The following LTBP1 variants were observed in gnomAD, a reference collection of about 807,000 sequenced individuals.
LTBP1 encodes the protein latent-transforming growth factor beta-binding protein 1.
Under a neutral mutation model 207.6 loss-of-function variants are expected in LTBP1, and 129 were observed. The observed-to-expected ratio is 0.62, with a 90% CI of 0.54 to 0.72. LTBP1 has a LOEUF of 0.72. LTBP1 is among the 30% of genes least tolerant of loss of function. The pLI, the probability that LTBP1 is intolerant of heterozygous loss-of-function variation, is 0.00. For missense variants in LTBP1, 2,281 were observed against 2,217.2 expected (o/e 1.03, Z -0.58); for synonymous variants, 963 against 833.7 (o/e 1.16, Z -2.67).
chr2:33,242,845 C>T (rs186685087), intron 9 of LTBP1, among the ~76,000 whole-genome samples: 3 of 152,236 alleles, frequency 2.0e-5, no homozygotes, highest in Admixed American at 6.5e-5. Context: ...GTGAATTTTC[C>T]TAGAGTCTGT....
intron 18 of LTBP1, among the ~76,000 whole-genome samples, chr2:33,278,330 T>C (rs192329506): frequency 6.6e-6 from 1 of 152,280 alleles, no homozygotes; most frequent in African/African-American, 2.4e-5. Context: ...GTAAATAATA[T>C]ATAATTCTAT....
intron 2 of LTBP1, among the ~76,000 whole-genome samples, chr2:32,995,328 C>G (rs919172229): frequency 1.3e-5 from 2 of 152,270 alleles, no homozygotes; most frequent in South Asian, 2.1e-4. Flanking sequence ...AGTGCACATT[C>G]TGACCTAGAA....
chr2:33,118,389 T>A (rs1172099094), intron 4 of LTBP1, among the ~76,000 whole-genome samples: 1 of 152,170 alleles, frequency 6.6e-6, no homozygotes, highest in Non-Finnish European at 1.5e-5. Flanking sequence ...AAAGAAGGAA[T>A]AATGATAAAG....
At chr2:32,955,305 C>T (rs1340279676) in intron 2 of LTBP1, among the ~76,000 whole-genome samples, 1 of 152,240 alleles carries the variant, frequency 6.6e-6, no homozygotes, top group African/African-American at 2.4e-5. Context: ...TCAAAGATTG[C>T]TGCACATGCA....
intron 32 of LTBP1, among the ~76,000 whole-genome samples, chr2:33,396,714 C>T (rs1215934969): frequency 6.6e-6 from 1 of 152,204 alleles, no homozygotes; most frequent in East Asian, 1.9e-4. Flanking sequence ...TTGCCTCACA[C>T]TCTTACGGAC....
chr2:33,057,679 C>G (rs2077069796), intron 3 of LTBP1, among the ~76,000 whole-genome samples: 1 of 152,244 alleles, frequency 6.6e-6, no homozygotes, highest in African/African-American at 2.4e-5. Context: ...AGGTGCTAAG[C>G]CCCTCACTGC....
intron 22 of LTBP1, among the ~76,000 whole-genome samples, chr2:33,303,236 T>C (rs983948827): frequency 1.3e-5 from 2 of 152,066 alleles, no homozygotes; most frequent in Non-Finnish European, 2.9e-5. Context: ...GTCCCCAACT[T>C]TTTTGGCACA....
chr2:33,241,870 G>A (rs2092336207), intron 9 of LTBP1, among the ~76,000 whole-genome samples: 2 of 152,132 alleles, frequency 1.3e-5, no homozygotes, highest in Non-Finnish European at 1.5e-5. Context: ...AGTTACGGGG[G>A]AATATTTTCA....
chr2:32,968,266 A>G (rs893401335), intron 2 of LTBP1, among the ~76,000 whole-genome samples: 2 of 152,136 alleles, frequency 1.3e-5, no homozygotes, highest in African/African-American at 4.8e-5. Context: ...ATGCCTGATT[A>G]TCTATCGGTT....
intron 5 of LTBP1, among the ~76,000 whole-genome samples, chr2:33,181,299 A>C (rs955502656): frequency 4.6e-5 from 7 of 152,220 alleles, no homozygotes; most frequent in Admixed American, 3.3e-4. Context: ...TATACAAGTC[A>C]TGAATATTTG....
intron 7 of LTBP1, among the ~76,000 whole-genome samples, chr2:33,205,510 C>G (rs965367482): frequency 2.6e-5 from 4 of 152,190 alleles, no homozygotes; most frequent in African/African-American, 9.7e-5. Context: ...GAGCAGAGGA[C>G]TCTGCTCTGC....
intron 5 of LTBP1, among the ~76,000 whole-genome samples, chr2:33,185,307 G>C (rs2087078476): frequency 6.6e-6 from 1 of 152,112 alleles, no homozygotes; most frequent in African/African-American, 2.4e-5. Context: ...TAAAATGAGG[G>C]GGCAGCACCC....
At chr2:33,192,578 A>C (rs2088022961) in intron 7 of LTBP1, among the ~76,000 whole-genome samples, 1 of 152,170 alleles carries the variant, frequency 6.6e-6, no homozygotes, top group African/African-American at 2.4e-5. Flanking sequence ...AGAAAGAGAC[A>C]CAAAAAATAA....
rs1016847071 is a variant in LTBP1, at chr2:32,959,518, A to T, written c.565+10573A>T. Among the ~76,000 whole-genome samples, 3 of 142,170 alleles carry T rather than the reference A, an allele frequency of 2.1e-5. No individual in the cohort carries two copies. The South Asian group carries it at 6.7e-4, about 32-fold the overall frequency. 93.3% of individuals were successfully genotyped at this position (142,170 alleles called of 152,430 possible). ...ATTCCAATGTGGCTTTTAATCTTTC[A>T]TGAACTTCATTTTATTATTGCTGTA... On this transcript the variant is annotated intron_variant, in intron 2 of 33. Transcript: ENST00000404816.
intron 31 of LTBP1, among the ~76,000 whole-genome samples, chr2:33,376,073 T>G (rs2095136601): frequency 6.6e-6 from 1 of 152,228 alleles, no homozygotes; most frequent in Non-Finnish European, 1.5e-5. Context: ...TTTTGAACAC[T>G]TTGGTCTCCA....
chr2:33,354,505 T>C (rs2094828244), intron 26 of LTBP1, among the ~76,000 whole-genome samples: 2 of 152,178 alleles, frequency 1.3e-5, no homozygotes, highest in East Asian at 3.8e-4. Flanking sequence ...GTCAAGTTTC[T>C]TCCCACATCC....
At chr2:33,260,956 A>G (rs542622068) in intron 13 of LTBP1, among the ~76,000 whole-genome samples, 2 of 152,198 alleles carry the variant, frequency 1.3e-5, no homozygotes, top group Non-Finnish European at 2.9e-5. Context: ...GATAGTACGA[A>G]AAATGCAATC....
chr2:33,070,556 G>C (rs1294974003), intron 3 of LTBP1, among the ~76,000 whole-genome samples: 1 of 152,240 alleles, frequency 6.6e-6, no homozygotes, highest in Non-Finnish European at 1.5e-5. Flanking sequence ...TTTGTGCCAA[G>C]AGAATGCCTA....
chr2:33,301,647 A>G lies in LTBP1; in HGVS notation c.3481+3A>G, dbSNP rs375070584. ...TGGGCTTGGAGACCACTGTGAAGGTAAGAATTGCTCCTGATTTCAGAATCA... is the reference window on the plus strand; with the variant it reads ...TGGGCTTGGAGACCACTGTGAAGGTGAGAATTGCTCCTGATTTCAGAATCA... On this transcript the variant is annotated splice_donor_region_variant and intron_variant, in intron 22 of 33. Coordinates refer to ENST00000404816, the MANE Select transcript of LTBP1 (RefSeq NM_206943.4). 15 of 1,586,192 alleles carry G rather than the reference A, an allele frequency of 9.5e-6. No individual in the cohort carries two copies. In the African/African-American group the frequency reaches 2.0e-4, roughly 22 times the overall value.
Sources: allele counts gnomAD v4.1 joint callset (sites outside exome capture counted in the v4.1 genomes callset), GRCh38; gene constraint gnomAD v4.1.1; transcripts MANE v1.5; gene names NCBI Gene and HGNC (gene_info 2026-07-23, HGNC 2026-07-21).